The following CCDC7 variants were observed in gnomAD, a reference collection of about 807,000 sequenced individuals.
CCDC7 encodes coiled-coil domain containing 7.
A neutral mutation model predicts 196.9 loss-of-function variants in CCDC7; 183 were observed. That is an observed-to-expected ratio of 0.93 (90% CI 0.82 to 1.05). The LOEUF is 1.05. CCDC7 is among the 50% of genes least tolerant of loss of function. The pLI is 0.00. For synonymous variants in CCDC7, 525 were observed against 484.6 expected (o/e 1.08, Z -1.10); for missense variants, 1,540 against 1,482.2 (o/e 1.04, Z -0.64).
chr10:32,543,357 G>A, exon 12 of CCDC7: 1 of 1,439,604 alleles, frequency 6.9e-7, no homozygotes, highest in Non-Finnish European at 9.3e-7. Flanking sequence ...GAAGAAAAAA[G>A]ACAAAGGAAA....
chr10:32,760,929 T>C (rs894117674), intron 28 of CCDC7, among the ~76,000 whole-genome samples: 3 of 151,972 alleles, frequency 2.0e-5, no homozygotes, highest in Non-Finnish European at 4.4e-5. Context: ...ACATATATTT[T>C]CAGCTGAACT....
rs867264425 is a variant in CCDC7 at position 32,683,522 on chromosome 10, T to G, written c.2123-2448T>G. 5.6e-4 allele frequency among the ~76,000 whole-genome samples: 86 copies of G among 152,342 alleles called. No individual in the cohort carries two copies. The Middle Eastern group carries it at 0.014, about 24-fold the overall frequency. ...ATTTTAGAATAGGTTTTTCTTATTC[T>G]GTAGTTTGATAGGAATAGCATAGAA... On this transcript the variant is annotated intron_variant, in intron 21 of 41. Transcript: ENST00000639629.
intron 37 of CCDC7, 24 bp downstream of exon 38, chr10:32,846,483 T>G: frequency 6.9e-7 from 1 of 1,439,508 alleles, no homozygotes; most frequent in Non-Finnish European, 9.7e-7. Flanking sequence ...TTTTTGAGTC[T>G]AATATTTGTG....
intron 30 of CCDC7, among the ~76,000 whole-genome samples, chr10:32,814,001 G>A (rs938802625): frequency 6.0e-5 from 9 of 151,156 alleles, no homozygotes; most frequent in East Asian, 3.9e-4. Flanking sequence ...CTGTGTCACC[G>A]GGCTGGAGTG....
chr10:32,837,409 A>C (rs577673560), intron 33 of CCDC7, among the ~76,000 whole-genome samples: 1 of 152,230 alleles, frequency 6.6e-6, no homozygotes, highest in Admixed American at 6.5e-5. Context: ...GGCGATCATT[A>C]AAAAGTCAGG....
At chr10:32,808,725 G>C (rs2086401273) in intron 30 of CCDC7, among the ~76,000 whole-genome samples, 1 of 152,042 alleles carries the variant, frequency 6.6e-6, no homozygotes, top group Non-Finnish European at 1.5e-5. Flanking sequence ...GATTCACCTG[G>C]GGTCCCTGTC....
rs531775471 is a variant in CCDC7, at chr10:32,676,615, A to C, written c.2123-9355A>C. Among the ~76,000 whole-genome samples, 900 of 151,766 alleles carry C rather than the reference A, an allele frequency of 5.9e-3. 9 individuals carry two copies. Among genetic ancestry groups the C allele is most frequent in the African/African-American group, 0.021 (856 of 41,476 alleles). Reference sequence around the variant, plus strand: ...ATTTATGCAGCCAAAAAACACATGAAAAAATGCTCACCATCACTGGCCATC... The same window carrying C: ...ATTTATGCAGCCAAAAAACACATGACAAAATGCTCACCATCACTGGCCATC... On this transcript the variant is annotated intron_variant, in intron 21 of 41. Transcript: ENST00000639629.
intron 16 of CCDC7, chr10:32,574,548 A>AT: frequency 7.5e-7 from 1 of 1,341,556 alleles, no homozygotes; most frequent in South Asian, 1.8e-5. Flanking sequence ...AATAAAGTAC[A>AT]TTTTTGCTCT....
intron 41 of CCDC7, among the ~76,000 whole-genome samples, chr10:32,865,892 A>C (rs1038325289): frequency 2.6e-5 from 4 of 151,800 alleles, no homozygotes; most frequent in African/African-American, 7.2e-5. Flanking sequence ...AGGTAAGTTT[A>C]AATATGGAGA....
rs200463559 is a variant in CCDC7, at chr10:32,760,767, AG to A, written c.2906-18209del. 8.4e-3 allele frequency among the ~76,000 whole-genome samples: 1,251 copies of A among 149,664 alleles called. 14 individuals carry two copies. The highest frequency in any genetic ancestry group is 0.029 in the African/African-American group (1,190 of 40,924). ...TAATAATAATAAAATTAAAAAAAAA[AG>A]ATATTACAAAAAAAAAGAACACCCA... On this transcript the variant is annotated intron_variant, in intron 28 of 41. Transcript: ENST00000639629.
Position 32,455,505 on chromosome 10 carries a change from C to T in CCDC7, c.373-746C>T, listed in dbSNP as rs138113007. Among the ~76,000 whole-genome samples the T allele has an allele frequency of 5.9e-3, 891 of 151,966 alleles. 9 individuals are homozygous for T. Among genetic ancestry groups the T allele is most frequent in the African/African-American group, 0.02 (847 of 41,438 alleles). ...AATTTTTTTGTCTTTTTAGTAGAGA[C>T]GGGATTTTGCCATGCTGGCCAGGCT... On this transcript the variant is annotated intron_variant, in intron 2 of 41. Transcript: ENST00000639629.
At chr10:32,730,707 A>G (rs922411935) in intron 28 of CCDC7, among the ~76,000 whole-genome samples, 16 of 151,262 alleles carry the variant, frequency 1.1e-4, no homozygotes, top group Admixed American at 9.9e-4. Flanking sequence ...ATTAACATAT[A>G]TTGTGAATCT....
At chr10:32,716,586 A>G (rs1242800285) in intron 25 of CCDC7, among the ~76,000 whole-genome samples, 1 of 152,242 alleles carries the variant, frequency 6.6e-6, no homozygotes, top group African/African-American at 2.4e-5. Flanking sequence ...TGCCTCAATT[A>G]AAAGACACAG....
chr10:32,518,538 A>G (rs776703748), intron 11 of CCDC7, 33 bp downstream of exon 12: 1 of 1,564,360 alleles, frequency 6.4e-7, no homozygotes, highest in Admixed American at 1.8e-5. Flanking sequence ...AAAATGGCAT[A>G]CACCTAATAA....
intron 18 of CCDC7, among the ~76,000 whole-genome samples, chr10:32,619,791 G>T (rs1300388658): frequency 6.6e-6 from 1 of 151,596 alleles, no homozygotes; most frequent in African/African-American, 2.4e-5. Context: ...TTGAGACAAG[G>T]TCTTGCTATG....
chr10:32,457,488 A>G (rs2034611213), intron 3 of CCDC7, among the ~76,000 whole-genome samples: 1 of 152,206 alleles, frequency 6.6e-6, no homozygotes, highest in African/African-American at 2.4e-5. Context: ...GCTGCAATAA[A>G]CATGGAAGTA....
At chr10:32,757,929 T>A (rs2076749842) in intron 28 of CCDC7, among the ~76,000 whole-genome samples, 1 of 151,976 alleles carries the variant, frequency 6.6e-6, no homozygotes, top group South Asian at 2.1e-4. Context: ...TCACTACCAA[T>A]CCCACAGAAA....
At chr10:32,854,913 CA>C (rs1223523560) in intron 41 of CCDC7, among the ~76,000 whole-genome samples, 1 of 150,558 alleles carries the variant, frequency 6.6e-6, no homozygotes, top group Non-Finnish European at 1.5e-5. Flanking sequence ...ACAGTGATTG[CA>C]TTTCTATAAA....
intron 28 of CCDC7, among the ~76,000 whole-genome samples, chr10:32,744,535 T>G (rs370548261): frequency 7.2e-5 from 11 of 152,358 alleles, no homozygotes; most frequent in African/African-American, 2.4e-4. Flanking sequence ...TAATTGTGTT[T>G]CATTGTTGTT....
Sources: allele counts gnomAD v4.1 joint callset (sites outside exome capture counted in the v4.1 genomes callset), GRCh38; gene constraint gnomAD v4.1.1; transcripts MANE v1.5; gene names NCBI Gene and HGNC (gene_info 2026-07-23, HGNC 2026-07-21).